C19orf38: variants seen among roughly 807,000 people sequenced by gnomAD.
C19orf38 encodes the protein protein HIDE1.
In C19orf38, 14 loss-of-function variants were observed where a neutral mutation model predicts 26.6. That is an observed-to-expected ratio of 0.53 (90% CI 0.35 to 0.82). The LOEUF (loss-of-function observed/expected upper bound fraction) is 0.82. Ranked by LOEUF, C19orf38 falls within the 40% of genes least tolerant of loss-of-function variation. The probability of loss-of-function intolerance (pLI) is 0.01; values close to 1 mark genes in which losing one functional copy is unlikely to be tolerated. For synonymous variants in C19orf38, 132 were observed against 128.5 expected, an observed-to-expected ratio of 1.03 and a Z score of -0.18; for missense variants, 261 against 299.5, an observed-to-expected ratio of 0.87 and a Z score of 0.95.
At chr19:10,852,092 C>T (rs2073579166) in intron 2 of C19orf38, among the ~76,000 whole-genome samples, 1 of 151,636 alleles carries the variant, frequency 6.6e-6, no homozygotes, top group Non-Finnish European at 1.5e-5. Flanking sequence ...GCGGAGGTTA[C>T]AGTGAGCCAA....
chr19:10,841,105 G>A (rs1892819238), intron 1 of C19orf38, among the ~76,000 whole-genome samples: 2 of 151,230 alleles, frequency 1.3e-5, no homozygotes, highest in Admixed American at 1.3e-4. Context: ...TTAAAAATTG[G>A]GTTGTTCATC....
At chr19:10,854,845 A>G (rs1371344430) in intron 2 of C19orf38, among the ~76,000 whole-genome samples, 1 of 151,916 alleles carries the variant, frequency 6.6e-6, no homozygotes, top group East Asian at 1.9e-4. Context: ...TCTACCAGCA[A>G]GAGGGGATTT....
At chr19:10,840,432 C>G (rs753098909) in intron 1 of C19orf38, among the ~76,000 whole-genome samples, 1 of 152,316 alleles carries the variant, frequency 6.6e-6, no homozygotes, top group African/African-American at 2.4e-5. Context: ...CTCAGCCTCC[C>G]AAGTAGCTGG....
chr19:10,855,158 G>A (rs757539350), intron 2 of C19orf38, among the ~76,000 whole-genome samples: 11 of 145,868 alleles, frequency 7.5e-5, no homozygotes, highest in Admixed American at 1.4e-4. Context: ...CTGCCTCAGC[G>A]TCCCAAGTAG....
At chr19:10,857,364 ATATTT>A (rs1458970522) in intron 3 of C19orf38, among the ~76,000 whole-genome samples, 10 of 78,202 alleles carry the variant, frequency 1.3e-4, no homozygotes, top group Non-Finnish European at 1.9e-4. Context: ...ATATATATAT[ATATTT>A]TTTTTTTTTT....
chr19:10,845,606 G>A (rs1026925897), upstream of C19orf38, among the ~76,000 whole-genome samples: 39 of 152,298 alleles, frequency 2.6e-4, 1 homozygote, highest in Admixed American at 2.4e-3. Flanking sequence ...TGGGCCGGGT[G>A]CGGTGGCTCA....
At chr19:10,836,946 A>G (rs1442809264) in intron 1 of C19orf38, among the ~76,000 whole-genome samples, 1 of 152,184 alleles carries the variant, frequency 6.6e-6, no homozygotes, top group African/African-American at 2.4e-5. Flanking sequence ...GAGCCATTAC[A>G]GTAGCCTCGG....
intron 1 of C19orf38, among the ~76,000 whole-genome samples, chr19:10,838,132 C>T (rs938730857): frequency 3.3e-5 from 5 of 152,186 alleles, no homozygotes; most frequent in East Asian, 3.9e-4. Flanking sequence ...ATTTTAAGGC[C>T]GGGTGTGGTG....
intron 3 of C19orf38, among the ~76,000 whole-genome samples, chr19:10,857,352 ATATATATATATATATTTT>A (rs1241534753): frequency 2.3e-4 from 18 of 76,854 alleles, no homozygotes; most frequent in Non-Finnish European, 3.2e-4. Context: ...ATATATATAT[ATATATATATATATATTTT>A]TTTTTTTTTT....
intron 2 of C19orf38, among the ~76,000 whole-genome samples, chr19:10,851,445 A>T (rs976555095): frequency 1.3e-5 from 2 of 151,012 alleles, no homozygotes; most frequent in Non-Finnish European, 2.9e-5. Flanking sequence ...TCCTCAAGTG[A>T]TCCTCCCACC....
chr19:10,846,577 T>G (rs1010373065), upstream of C19orf38, among the ~76,000 whole-genome samples: 6 of 152,032 alleles, frequency 3.9e-5, no homozygotes, highest in South Asian at 2.1e-4. Flanking sequence ...AAATCCAAAC[T>G]GTGGCACTTT....
chr19:10,869,186 C>A, intron 6 of C19orf38, 32 bp from the exon 7 acceptor site: 1 of 1,551,270 alleles, frequency 6.4e-7, no homozygotes, highest in Non-Finnish European at 8.7e-7. Flanking sequence ...CCCAAATCAC[C>A]CACTTCTGTG....
intron 6 of C19orf38, among the ~76,000 whole-genome samples, chr19:10,865,894 C>G (rs1001793813): frequency 6.6e-6 from 1 of 152,002 alleles, no homozygotes; most frequent in South Asian, 2.1e-4. Context: ...CTCACTGCAG[C>G]CTTGATCACC....
upstream of C19orf38, among the ~76,000 whole-genome samples, chr19:10,843,990 G>A (rs1252965279): frequency 6.6e-6 from 1 of 152,000 alleles, no homozygotes; most frequent in Non-Finnish European, 1.5e-5. Flanking sequence ...GTGCATGCCT[G>A]TAATCCCAGC....
chr19:10,852,915 G>T (rs2073587011), intron 2 of C19orf38, among the ~76,000 whole-genome samples: 1 of 151,842 alleles, frequency 6.6e-6, no homozygotes, highest in Non-Finnish European at 1.5e-5. Context: ...GTTACCATCA[G>T]TCAGAACTTT....
chr19:10,845,694 A>G (rs148712985), upstream of C19orf38, among the ~76,000 whole-genome samples: 112 of 152,042 alleles, frequency 7.4e-4, 1 homozygote, highest in Middle Eastern at 3.4e-3. Context: ...CCTGGCTAAC[A>G]TGGTGAAACC....
At chr19:10,845,729 A>T (rs1175236541), upstream of C19orf38, among the ~76,000 whole-genome samples, 1 of 151,892 alleles carries the variant, frequency 6.6e-6, no homozygotes, top group Non-Finnish European at 1.5e-5. Context: ...AATACAAAAA[A>T]TTAGCCATGC....
chr19:10,839,602 A>G (rs1157952299), intron 1 of C19orf38, among the ~76,000 whole-genome samples: 1 of 152,120 alleles, frequency 6.6e-6, no homozygotes, highest in African/African-American at 2.4e-5. Context: ...ACAATGTGTC[A>G]CCATTTGTAT....
intron 1 of C19orf38, among the ~76,000 whole-genome samples, chr19:10,842,514 C>T (rs2073485601): frequency 6.6e-6 from 1 of 152,082 alleles, no homozygotes; most frequent in Non-Finnish European, 1.5e-5. Context: ...TCGGCCTTGG[C>T]CTCCCAAAGT....
Sources: allele counts gnomAD v4.1 joint callset (sites outside exome capture counted in the v4.1 genomes callset), GRCh38; gene constraint gnomAD v4.1.1; transcripts MANE v1.5; gene names NCBI Gene and HGNC (gene_info 2026-07-23, HGNC 2026-07-21).